Variants in IMPG1 observed in about 807,000 individuals in gnomAD.
IMPG1 encodes interphotoreceptor matrix proteoglycan of 150 kDa.
IMPG1 carries 85 observed loss-of-function variants against 92.0 expected under a neutral mutation model. The ratio of observed to expected loss-of-function variants is 0.92; its 90% CI spans 0.78 to 1.11. IMPG1 has a LOEUF of 1.11. Ranked by LOEUF, IMPG1 falls within the 50% of genes least tolerant of loss-of-function variation. The pLI is 0.00. For synonymous variants in IMPG1, 367 were observed against 334.1 expected, an observed-to-expected ratio of 1.10 and a Z score of -1.08; for missense variants, 1,022 against 956.0, an observed-to-expected ratio of 1.07 and a Z score of -0.91.
At chr6:76,020,776 C>T (rs1783409101) in intron 6 of IMPG1, among the ~76,000 whole-genome samples, 1 of 152,094 alleles carries the variant, frequency 6.6e-6, no homozygotes, top group African/African-American at 2.4e-5. Context: ...GGAGTCATGC[C>T]CTACAAACCA....
intron 1 of IMPG1, among the ~76,000 whole-genome samples, chr6:76,065,108 A>G (rs891920483): frequency 5.3e-5 from 8 of 152,138 alleles, no homozygotes; most frequent in Non-Finnish European, 1.2e-4. Context: ...CCAAATGCAA[A>G]TAAATTCAAA....
chr6:75,970,572 C>G (rs532192166), intron 12 of IMPG1, among the ~76,000 whole-genome samples: 1 of 152,038 alleles, frequency 6.6e-6, no homozygotes, highest in African/African-American at 2.4e-5. Flanking sequence ...ATAATCAGCC[C>G]TTATATGAGG....
chr6:76,028,582 C>A (rs1487325602), intron 4 of IMPG1, among the ~76,000 whole-genome samples: 1 of 152,218 alleles, frequency 6.6e-6, no homozygotes, highest in Non-Finnish European at 1.5e-5. Context: ...GTAATCCCAG[C>A]ACTTTGGGAG....
chr6:75,952,066 CA>C (rs1350565117), intron 12 of IMPG1, among the ~76,000 whole-genome samples: 1 of 152,210 alleles, frequency 6.6e-6, no homozygotes, highest in Non-Finnish European at 1.5e-5. Context: ...ATTGAACTAT[CA>C]AAACCTACCC....
intron 14 of IMPG1, among the ~76,000 whole-genome samples, chr6:75,933,009 C>T (rs908891409): frequency 6.6e-6 from 1 of 152,108 alleles, no homozygotes; most frequent in African/African-American, 2.4e-5. Flanking sequence ...TCTCTTGTCT[C>T]TTTCTTAATA....
intron 12 of IMPG1, among the ~76,000 whole-genome samples, chr6:75,998,351 C>T (rs1208287896): frequency 1.3e-5 from 2 of 152,146 alleles, no homozygotes; most frequent in Non-Finnish European, 2.9e-5. Context: ...GACGGCTGTC[C>T]CTGACCACAT....
chr6:76,051,142 T>G (rs1784037050), intron 1 of IMPG1, among the ~76,000 whole-genome samples: 1 of 152,138 alleles, frequency 6.6e-6, no homozygotes, highest in Non-Finnish European at 1.5e-5. Flanking sequence ...TTTCCCAAAT[T>G]TTTCTAACCT....
chr6:76,038,948 G>A (rs1368041445), intron 2 of IMPG1, among the ~76,000 whole-genome samples: 2 of 152,236 alleles, frequency 1.3e-5, no homozygotes, highest in African/African-American at 2.4e-5. Flanking sequence ...ATGTGAAAAT[G>A]CACAGTACAG....
At position 76,046,472 on chromosome 6, in the gene IMPG1, G is replaced by A. The variant is rs138199802; in HGVS notation, c.68-4346C>T. Among the ~76,000 whole-genome samples, 1,236 of 152,276 alleles carry A rather than the reference G, an allele frequency of 8.1e-3. 14 individuals carry two copies. The highest frequency in any genetic ancestry group is 9.3e-3 in the Non-Finnish European group (633 of 68,016). Reference sequence around the variant, plus strand: ...TTCTAAGTACAGATGAGGAACAGCTGTAATACACATGGTGCTTACTTTCTG... The same window carrying A: ...TTCTAAGTACAGATGAGGAACAGCTATAATACACATGGTGCTTACTTTCTG... On this transcript the variant is annotated intron_variant, in intron 1 of 16. Coordinates refer to ENST00000369950, the MANE Select transcript of IMPG1 (RefSeq NM_001563.4).
chr6:75,965,326 T>C (rs1158854257), intron 12 of IMPG1, among the ~76,000 whole-genome samples: 2 of 151,970 alleles, frequency 1.3e-5, no homozygotes, highest in Non-Finnish European at 2.9e-5. Flanking sequence ...AATGTATAAG[T>C]GATACAGATC....
chr6:76,034,524 C>T (rs1783702144), intron 3 of IMPG1, 97 bp downstream of exon 3: 12 of 1,359,426 alleles, frequency 8.8e-6, no homozygotes, highest in Non-Finnish European at 1.2e-5. Flanking sequence ...CTTCAATTAA[C>T]CCTTACGTTG....
chr6:76,016,317 T>C (rs940643960), intron 7 of IMPG1, among the ~76,000 whole-genome samples: 1 of 152,234 alleles, frequency 6.6e-6, no homozygotes, highest in East Asian at 1.9e-4. Context: ...TGTAAGTGTT[T>C]AGAAAATTGA....
At position 76,042,114 on chromosome 6, in the gene IMPG1, T is replaced by C. The variant is rs1280891297; in HGVS notation, c.80A>G (p.Asn27Ser). Reference protein sequence around the residue: ...QVQGTKDISINIYHSETKDID... With the variant: ...QVQGTKDISISIYHSETKDID... Reference sequence around the variant, plus strand: ...GTCTTTAGTTTCAGAATGGTATATGTTAATGGAGATATCTGTAAAAGAAAG... The same window carrying C: ...GTCTTTAGTTTCAGAATGGTATATGCTAATGGAGATATCTGTAAAAGAAAG... The change falls in exon 2 of 17, where the codon AAC (asparagine) becomes AGC (serine). Residue 27 changes from asparagine to serine, a missense_variant. Physicochemically the swap from Asn to Ser is conservative, Grantham distance 46. Transcript: ENST00000369950. 1 of 1,517,878 alleles carries C rather than the reference T, an allele frequency of 6.6e-7. No homozygotes were observed. Among genetic ancestry groups the C allele is most frequent in the Non-Finnish European group, 9.2e-7 (1 of 1,092,556 alleles). 94.0% of individuals were successfully genotyped at this position (1,517,878 alleles called of 1,614,324 possible).
intron 1 of IMPG1, among the ~76,000 whole-genome samples, chr6:76,060,550 A>T (rs1784188886): frequency 6.6e-6 from 1 of 152,150 alleles, no homozygotes; most frequent in African/African-American, 2.4e-5. Flanking sequence ...TACAGGTTTC[A>T]TCTGCCTTGG....
chr6:76,059,401 C>CT (rs1219517341), intron 1 of IMPG1, among the ~76,000 whole-genome samples: 19 of 101,524 alleles, frequency 1.9e-4, no homozygotes, highest in Admixed American at 1.5e-3. Context: ...AGACGTTACA[C>CT]CTTTTTTTTT....
chr6:76,022,082 A>G (rs769449356), intron 6 of IMPG1, 34 bp downstream of exon 6: 130 of 1,196,566 alleles, frequency 1.1e-4, no homozygotes, highest in Admixed American at 7.4e-4. Flanking sequence ...AAACAGGCAC[A>G]TGAAGAGCTA....
chr6:75,954,326 C>G (rs1782082005), intron 12 of IMPG1, among the ~76,000 whole-genome samples: 1 of 152,168 alleles, frequency 6.6e-6, no homozygotes, highest in African/African-American at 2.4e-5. Flanking sequence ...GAGATGGTAT[C>G]TCATTGTGGT....
intron 12 of IMPG1, among the ~76,000 whole-genome samples, chr6:75,980,800 G>A (rs577554498): frequency 2.0e-5 from 3 of 152,262 alleles, no homozygotes; most frequent in Non-Finnish European, 4.4e-5. Context: ...ACTTCAATTT[G>A]CGATCATGTG....
chr6:76,011,297 G>T, intron 7 of IMPG1, 73 bp from the exon 8 acceptor site: 1 of 742,406 alleles, frequency 1.3e-6, no homozygotes, highest in Non-Finnish European at 2.4e-6. Flanking sequence ...TGAAAAACCT[G>T]AACACTTTTG....
Sources: allele counts gnomAD v4.1 joint callset (sites outside exome capture counted in the v4.1 genomes callset), GRCh38; gene constraint gnomAD v4.1.1; transcripts MANE v1.5; gene names NCBI Gene and HGNC (gene_info 2026-07-23, HGNC 2026-07-21).